Variants in ADAM17 observed in about 807,000 individuals in gnomAD.
ADAM17 encodes the protein ADAM metallopeptidase domain 17.
ADAM17 carries 39 observed loss-of-function variants against 96.7 expected under a neutral mutation model. That is an observed-to-expected ratio of 0.40 (90% CI 0.31 to 0.53). The LOEUF is 0.53. ADAM17 is among the 20% of genes least tolerant of loss of function. The probability of loss-of-function intolerance (pLI) is 0.44; values close to 1 mark genes in which losing one functional copy is unlikely to be tolerated. For synonymous variants in ADAM17, 344 were observed against 359.2 expected (o/e 0.96, Z 0.48); for missense variants, 777 against 1,013.2 (o/e 0.77, Z 3.17).
intron 11 of ADAM17, among the ~76,000 whole-genome samples, chr2:9,506,359 GTTTTTTTTTTTTT>G (rs769256744): frequency 3.8e-4 from 28 of 73,208 alleles, no homozygotes; most frequent in Admixed American, 1.4e-3. Context: ...CTTCAAATCT[GTTTTTTTTTTTTT>G]TTTTTTTTTT....
chr2:9,551,775 G>A (rs1023242273), intron 1 of ADAM17, among the ~76,000 whole-genome samples: 2 of 152,054 alleles, frequency 1.3e-5, no homozygotes, highest in Admixed American at 6.6e-5. Context: ...ATATTTTTAA[G>A]TAACTTTTTT....
intron 11 of ADAM17, among the ~76,000 whole-genome samples, chr2:9,508,775 T>C (rs1423938315): frequency 6.6e-6 from 1 of 152,144 alleles, no homozygotes; most frequent in Non-Finnish European, 1.5e-5. Flanking sequence ...CACTGAACTA[T>C]AGTGAACATG....
At chr2:9,535,050 T>C (rs1664904683) in intron 4 of ADAM17, among the ~76,000 whole-genome samples, 1 of 152,214 alleles carries the variant, frequency 6.6e-6, no homozygotes, top group Admixed American at 6.5e-5. Context: ...TTCACAATAA[T>C]GGACAGTCAA....
At chr2:9,494,825 G>T in intron 14 of ADAM17, 58 bp from the exon 15 acceptor site, 2 of 1,595,224 alleles carry the variant, frequency 1.3e-6, no homozygotes, top group Non-Finnish European at 1.7e-6. Flanking sequence ...CTCTCCTCCT[G>T]CCTCCTCTTT....
chr2:9,534,193 A>T (rs1664863200), intron 4 of ADAM17, among the ~76,000 whole-genome samples: 1 of 152,076 alleles, frequency 6.6e-6, no homozygotes, highest in East Asian at 1.9e-4. Context: ...ACATGGTGAA[A>T]CCCCGTCTCT....
intron 2 of ADAM17, among the ~76,000 whole-genome samples, chr2:9,541,387 A>C (rs556209813): frequency 3.3e-5 from 5 of 152,142 alleles, no homozygotes; most frequent in Non-Finnish European, 7.4e-5. Context: ...ACATGGTGAA[A>C]CCTCATCTCT....
chr2:9,515,735 CAAAAAAAAA>C lies in ADAM17; in HGVS notation c.1191+2157_1191+2165del, dbSNP rs56888068. Among the ~76,000 whole-genome samples, 972 of 118,086 alleles carry C rather than the reference CAAAAAAAAA, an allele frequency of 8.2e-3. 7 individuals carry two copies. Among genetic ancestry groups the C allele is most frequent in the African/African-American group, 0.027 (892 of 33,184 alleles). 77.5% of individuals were successfully genotyped at this position (118,086 alleles called of 152,430 possible). On this transcript the variant is annotated intron_variant, in intron 10 of 18. Coordinates refer to ENST00000310823, the MANE Select transcript of ADAM17 (RefSeq NM_003183.6). ...GGTGACAAGAGTGAAACTCCGTCTC[CAAAAAAAAA>C]AAAAAAAGAAAAAAGAAAAAGAAAA...
At chr2:9,494,860 G>A in intron 14 of ADAM17, 93 bp from the exon 15 acceptor site, 1 of 1,476,962 alleles carries the variant, frequency 6.8e-7, no homozygotes, top group Non-Finnish European at 9.2e-7. Context: ...CTCCCAAAGA[G>A]GTAAGAAATC....
chr2:9,532,579 C>T (rs899492745), intron 4 of ADAM17, among the ~76,000 whole-genome samples: 2 of 151,972 alleles, frequency 1.3e-5, no homozygotes, highest in African/African-American at 4.8e-5. Context: ...TCAACTGATC[C>T]TACTGCTTCA....
chr2:9,523,048 C>T (rs927333024), intron 7 of ADAM17, among the ~76,000 whole-genome samples: 4 of 152,070 alleles, frequency 2.6e-5, no homozygotes, highest in Non-Finnish European at 5.9e-5. Context: ...CTACCTAAAG[C>T]GAGACTAAGG....
chr2:9,539,295 G>T (rs1358991228), intron 2 of ADAM17, among the ~76,000 whole-genome samples: 1 of 152,012 alleles, frequency 6.6e-6, no homozygotes, highest in Non-Finnish European at 1.5e-5. Flanking sequence ...TTTTAGTAGA[G>T]ACGGGGTTTC....
intron 10 of ADAM17, among the ~76,000 whole-genome samples, chr2:9,514,010 C>CA (rs565362289): frequency 0.23 from 23,117 of 99,686 alleles, 2,111 homozygotes; most frequent in Middle Eastern, 0.45. Context: ...AACTCCATCT[C>CA]AAAAAAAAAA....
At chr2:9,509,601 G>C (rs978592976) in intron 11 of ADAM17, among the ~76,000 whole-genome samples, 2 of 152,150 alleles carry the variant, frequency 1.3e-5, no homozygotes, top group South Asian at 2.1e-4. Flanking sequence ...ATAAAAACGT[G>C]TAAACTGTAC....
chr2:9,505,132 A>T, intron 12 of ADAM17, 34 bp downstream of exon 12: 1 of 1,611,306 alleles, frequency 6.2e-7, no homozygotes, highest in East Asian at 2.2e-5. Flanking sequence ...TTGTTATACC[A>T]ACTTCCCAAA....
At chr2:9,532,948 T>C (rs1480216145) in intron 4 of ADAM17, among the ~76,000 whole-genome samples, 2 of 152,112 alleles carry the variant, frequency 1.3e-5, no homozygotes, top group Non-Finnish European at 2.9e-5. Flanking sequence ...CTCAGCACTT[T>C]GGGAGGCCAA....
In ADAM17 at chr2:9,514,506, A is replaced by G. The variant is rs1663928825; in HGVS notation, c.1191+3395T>C. On this transcript the variant is annotated intron_variant, in intron 10 of 18. Coordinates refer to ENST00000310823, the MANE Select transcript of ADAM17 (RefSeq NM_003183.6). ...TGTGCACATGTATCCTAGAACTTAA[A>G]TTTAAAATATAAATATATATATATA... 3.2e-5 allele frequency among the ~76,000 whole-genome samples: 4 copies of G among 124,976 alleles called. 1 individual carries two copies. The highest frequency in any genetic ancestry group is 1.8e-4 in the Admixed American group (2 of 11,100). 82.0% of individuals were successfully genotyped at this position (124,976 alleles called of 152,430 possible).
chr2:9,514,576 A>G (rs1329363466), intron 10 of ADAM17, among the ~76,000 whole-genome samples: 1 of 124,494 alleles, frequency 8.0e-6, no homozygotes, highest in Non-Finnish European at 1.6e-5. Context: ...TATAAATAAA[A>G]AGAGACAGGG....
intron 4 of ADAM17, among the ~76,000 whole-genome samples, chr2:9,529,174 G>A (rs1284468930): frequency 1.3e-5 from 2 of 152,150 alleles, no homozygotes; most frequent in East Asian, 3.8e-4. Flanking sequence ...CACAGGCTGG[G>A]CGTGGTGGCT....
chr2:9,532,773 A>G (rs909351374), intron 4 of ADAM17, among the ~76,000 whole-genome samples: 1 of 151,498 alleles, frequency 6.6e-6, no homozygotes, highest in Admixed American at 6.6e-5. Context: ...AGTGTGAGCC[A>G]CTGTGCCTGG....
Sources: allele counts gnomAD v4.1 joint callset (sites outside exome capture counted in the v4.1 genomes callset), GRCh38; gene constraint gnomAD v4.1.1; transcripts MANE v1.5; gene names NCBI Gene and HGNC (gene_info 2026-07-23, HGNC 2026-07-21).